The following UPRT variants were observed in gnomAD, a reference collection of about 807,000 sequenced individuals.
UPRT encodes uracil phosphoribosyltransferase homolog, also known as RP11-311P8.3.
In UPRT, 5 loss-of-function variants were observed where a neutral mutation model predicts 22.6. That is an observed-to-expected ratio of 0.22 (90% confidence interval 0.12 to 0.47). The LOEUF (loss-of-function observed/expected upper bound fraction) is 0.47, where lower values mean the gene tolerates loss of function less well. Ranked by LOEUF, UPRT falls within the 20% of genes least tolerant of loss-of-function variation. The pLI, the probability that UPRT is intolerant of heterozygous loss-of-function variation, is 0.99. For synonymous variants in UPRT, 77 were observed against 87.7 expected, an observed-to-expected ratio of 0.88 and a Z score of 0.68; for missense variants, 181 against 239.9, an observed-to-expected ratio of 0.75 and a Z score of 1.62.
intron 4 of UPRT, among the ~76,000 whole-genome samples, chrX:75,189,726 C>T (rs928359267): frequency 3.6e-5 from 4 of 112,183 alleles, no homozygotes; most frequent in Non-Finnish European, 7.5e-5. Flanking sequence ...GATCCCTTTA[C>T]CATTATGTAA....
At chrX:75,199,870 C>T (rs977139702) in intron 4 of UPRT, among the ~76,000 whole-genome samples, 3 of 112,091 alleles carry the variant, frequency 2.7e-5, no homozygotes, top group African/African-American at 6.5e-5. Context: ...AGTGTAAAAG[C>T]GTTCCTATTT....
rs1451588322 is a variant in UPRT at position 75,293,458 on chromosome X, T to C, written c.387-14T>C. ...GCTCTAATTTAGACTAAAACTTGTA[T>C]TATCTTTTTTTAGGACAGCCAGTAG... is the stretch of plus-strand genomic sequence containing the variant. On this transcript the variant is annotated splice_polypyrimidine_tract_variant and intron_variant, in intron 1 of 6. Coordinates refer to ENST00000373383, the MANE Select transcript of UPRT (RefSeq NM_145052.4). The C allele has an allele frequency of 8.3e-7, 1 of 1,198,539 alleles. No homozygotes were observed. Among genetic ancestry groups the C allele is most frequent in the African/African-American group, 1.8e-5 (1 of 56,397 alleles).
chrX:75,255,070 C>T (rs759225311), intron 4 of UPRT, among the ~76,000 whole-genome samples: 5 of 110,462 alleles, frequency 4.5e-5, no homozygotes, highest in South Asian at 7.7e-4. Flanking sequence ...CCACCGCGCC[C>T]GGCCAGGAAA....
chrX:75,303,322 C>A, intron 6 of UPRT, 83 bp from the exon 7 acceptor site: 1 of 669,729 alleles, frequency 1.5e-6, no homozygotes, highest in Non-Finnish European at 2.4e-6. Flanking sequence ...AATTTTAGAC[C>A]TAGTGGCAAT....
intron 4 of UPRT, among the ~76,000 whole-genome samples, chrX:75,200,581 G>A (rs908298029): frequency 8.0e-5 from 9 of 112,176 alleles, no homozygotes; most frequent in Non-Finnish European, 1.7e-4. Flanking sequence ...GCAACAGAGT[G>A]AGACCCTGTC....
rs770895076 is a variant in UPRT at position 75,246,177 on chromosome X, C to T, written c.-446-44847C>T. On this transcript the variant is annotated intron_variant, in intron 4 of 13. Coordinates refer to the UPRT transcript ENST00000652605. The stretch of plus-strand genomic sequence containing the variant: ...TGTGCAGGTTTGTTACATATGTATA[C>T]ATGTGCCATGTTGGTGTGCTGCACC... 3.7e-5 allele frequency among the ~76,000 whole-genome samples: 4 copies of T among 108,976 alleles called. No homozygotes were observed. In the East Asian group the frequency reaches 8.9e-4, roughly 24 times the overall value. 94.6% of individuals were successfully genotyped at this position (108,976 alleles called of 115,157 possible). A position where few individuals can be genotyped will look rare whatever the true frequency, so the allele number is the denominator to read the frequency against.
chrX:75,233,460 G>A (rs767326625), intron 4 of UPRT, among the ~76,000 whole-genome samples: 53 of 110,536 alleles, frequency 4.8e-4, no homozygotes, highest in Non-Finnish European at 3.8e-4. Flanking sequence ...TCCACGAGAA[G>A]AGTAACACCA....
At chrX:75,220,061 C>T (rs1480020576) in intron 4 of UPRT, among the ~76,000 whole-genome samples, 1 of 110,917 alleles carries the variant, frequency 9.0e-6, no homozygotes, top group Non-Finnish European at 1.9e-5. Flanking sequence ...TTAGCTCTAA[C>T]AATATGTGCT....
At chrX:75,258,013 G>A (rs768807279) in intron 4 of UPRT, among the ~76,000 whole-genome samples, 20 of 109,845 alleles carry the variant, frequency 1.8e-4, no homozygotes, top group Admixed American at 1.1e-3. Flanking sequence ...CTACCCAAGC[G>A]AAGCCATGGA....
At chrX:75,187,589 G>C (rs921702965) in intron 4 of UPRT, among the ~76,000 whole-genome samples, 9 of 111,978 alleles carry the variant, frequency 8.0e-5, no homozygotes, top group African/African-American at 9.7e-5. Context: ...GATTGGGGAA[G>C]TTCTCCCGAA....
At chrX:75,236,140 C>A (rs980942880) in intron 4 of UPRT, among the ~76,000 whole-genome samples, 1 of 111,250 alleles carries the variant, frequency 9.0e-6, no homozygotes, top group Non-Finnish European at 1.9e-5. Flanking sequence ...CACAAGCATT[C>A]TTATACATCA....
At chrX:75,210,952 T>C (rs1274244196) in intron 4 of UPRT, among the ~76,000 whole-genome samples, 1 of 111,224 alleles carries the variant, frequency 9.0e-6, no homozygotes, top group Non-Finnish European at 1.9e-5. Context: ...CTAGGCAATA[T>C]AAGAGAGGAA....
chrX:75,174,427 AAGGTTAAACATAC>A (rs1287322423), intron 4 of UPRT, among the ~76,000 whole-genome samples: 1 of 111,655 alleles, frequency 9.0e-6, no homozygotes, highest in African/African-American at 3.3e-5. Flanking sequence ...ATTTGACAAG[AAGGTTAAACATAC>A]AGGGCCTAAA....
At chrX:75,246,738 A>G (rs1176063951) in intron 4 of UPRT, among the ~76,000 whole-genome samples, 1 of 111,222 alleles carries the variant, frequency 9.0e-6, no homozygotes, top group African/African-American at 3.3e-5. Flanking sequence ...AAGTGTTCCT[A>G]TTTCTCCACA....
intron 1 of UPRT, among the ~76,000 whole-genome samples, chrX:75,160,538 T>C (rs2082195970): frequency 8.9e-6 from 1 of 112,229 alleles, no homozygotes; most frequent in Non-Finnish European, 1.9e-5. Flanking sequence ...TATTTGTTTA[T>C]TTATTTTTTA....
chrX:75,258,689 G>A (rs773492461), intron 4 of UPRT, among the ~76,000 whole-genome samples: 1 of 111,841 alleles, frequency 8.9e-6, no homozygotes, highest in African/African-American at 3.2e-5. Flanking sequence ...GGCGGCTGTG[G>A]GCATAGCTTC....
chrX:75,181,525 C>T (rs6647656), intron 4 of UPRT, among the ~76,000 whole-genome samples: 15,923 of 110,268 alleles, frequency 0.14, 1,793 homozygotes, highest in East Asian at 0.91. Flanking sequence ...TTTCCTTGAG[C>T]AGTGTTTTGT....
chrX:75,264,383 C>T (rs1437399134), intron 4 of UPRT, among the ~76,000 whole-genome samples: 1 of 111,539 alleles, frequency 9.0e-6, no homozygotes, highest in African/African-American at 3.3e-5. Flanking sequence ...TCTCTAAGGA[C>T]TTGCTCTATG....
chrX:75,234,101 C>A (rs1244496927), intron 4 of UPRT, among the ~76,000 whole-genome samples: 3 of 109,610 alleles, frequency 2.7e-5, no homozygotes, highest in Non-Finnish European at 5.7e-5. Context: ...ATCTACCAAG[C>A]AAATGGAAAA....
Sources: gnomAD v4.1 joint callset for allele counts (sites outside exome capture counted in the v4.1 genomes callset) on GRCh38, gnomAD v4.1.1 for gene constraint, MANE v1.5 for transcripts, NCBI Gene and HGNC (gene_info 2026-07-23, HGNC 2026-07-21) for gene names.